ADAM12: variants seen among roughly 807,000 people sequenced by gnomAD.
ADAM12 encodes the protein disintegrin and metalloproteinase domain-containing protein 12.
Under a neutral mutation model 106.4 loss-of-function variants are expected in ADAM12, and 70 were observed. The observed-to-expected ratio is 0.66, with a 90% CI of 0.54 to 0.80. ADAM12 has a LOEUF of 0.80. ADAM12 is among the 30% of genes least tolerant of loss of function. The probability of loss-of-function intolerance (pLI) is 0.00; values close to 1 mark genes in which losing one functional copy is unlikely to be tolerated. For synonymous variants in ADAM12, 420 were observed against 433.5 expected (o/e 0.97, Z 0.39); for missense variants, 1,010 against 1,171.9 (o/e 0.86, Z 2.02).
intron 2 of ADAM12, among the ~76,000 whole-genome samples, chr10:126,286,241 T>A (rs1959853734): frequency 6.6e-6 from 1 of 152,088 alleles, no homozygotes; most frequent in African/African-American, 2.4e-5. Flanking sequence ...TCTGCCCTGA[T>A]TCTGAGGGTG....
At chr10:126,251,140 C>A (rs1231363881) in intron 3 of ADAM12, among the ~76,000 whole-genome samples, 1 of 152,232 alleles carries the variant, frequency 6.6e-6, no homozygotes, top group African/African-American at 2.4e-5. Flanking sequence ...GACACAAGGA[C>A]AGTCCTTGGC....
chr10:126,367,317 C>T (rs371771319), intron 1 of ADAM12, among the ~76,000 whole-genome samples: 197 of 151,532 alleles, frequency 1.3e-3, no homozygotes, highest in African/African-American at 4.5e-3. Flanking sequence ...AAATAAGCCA[C>T]GAGTCATAGA....
intron 6 of ADAM12, among the ~76,000 whole-genome samples, chr10:126,113,449 C>G (rs981504476): frequency 1.3e-5 from 2 of 151,070 alleles, no homozygotes; most frequent in Admixed American, 1.3e-4. Context: ...CCCTCGCGGT[C>G]AGGAGTTCAA....
At chr10:126,131,688 A>C (rs1391959762) in intron 5 of ADAM12, among the ~76,000 whole-genome samples, 1 of 152,202 alleles carries the variant, frequency 6.6e-6, no homozygotes, top group Non-Finnish European at 1.5e-5. Flanking sequence ...AGGCCTCAGG[A>C]GGAAAAATCA....
chr10:126,367,322 C>A (rs1855945992), intron 1 of ADAM12, among the ~76,000 whole-genome samples: 2 of 151,576 alleles, frequency 1.3e-5, no homozygotes, highest in Admixed American at 6.6e-5. Flanking sequence ...AGCCACGAGT[C>A]ATAGAAAAAA....
At chr10:126,042,266 T>C (rs1406958444) in intron 18 of ADAM12, 3 of 1,610,388 alleles carry the variant, frequency 1.9e-6, no homozygotes, top group East Asian at 2.2e-5. Context: ...TCATTTAGAC[T>C]TGCCCCTGAA....
intron 1 of ADAM12, among the ~76,000 whole-genome samples, chr10:126,361,863 G>A (rs1186586143): frequency 6.6e-6 from 1 of 152,104 alleles, no homozygotes; most frequent in African/African-American, 2.4e-5. Context: ...TCTACATGAT[G>A]TTGGTCTATA....
At chr10:126,296,526 C>A (rs1960386389) in intron 2 of ADAM12, among the ~76,000 whole-genome samples, 1 of 152,182 alleles carries the variant, frequency 6.6e-6, no homozygotes, top group African/African-American at 2.4e-5. Flanking sequence ...TTGTGAGGGA[C>A]ACACACCCCT....
At chr10:126,208,015 T>G (rs1250782322) in intron 3 of ADAM12, among the ~76,000 whole-genome samples, 1 of 152,258 alleles carries the variant, frequency 6.6e-6, no homozygotes, top group Non-Finnish European at 1.5e-5. Context: ...AAGTTATTAT[T>G]CACAGAATTA....
At chr10:126,206,655 TG>T (rs1432999914) in intron 3 of ADAM12, among the ~76,000 whole-genome samples, 6 of 152,214 alleles carry the variant, frequency 3.9e-5, no homozygotes, top group African/African-American at 7.2e-5. Flanking sequence ...ATTACATGGC[TG>T]GCAAGTACCA....
chr10:126,290,185 C>T (rs1035136484), intron 2 of ADAM12, among the ~76,000 whole-genome samples: 2 of 152,128 alleles, frequency 1.3e-5, no homozygotes, highest in South Asian at 2.1e-4. Context: ...CGCCCTCAAC[C>T]GCCAGCAAGA....
At chr10:126,241,945 C>T (rs1178107670) in intron 3 of ADAM12, among the ~76,000 whole-genome samples, 4 of 150,632 alleles carry the variant, frequency 2.7e-5, no homozygotes, top group African/African-American at 7.4e-5. Flanking sequence ...TAGTGGGGTA[C>T]ACTTTGTAAA....
chr10:126,050,915 A>G (rs1207390369), intron 14 of ADAM12, among the ~76,000 whole-genome samples: 1 of 151,980 alleles, frequency 6.6e-6, no homozygotes, highest in African/African-American at 2.4e-5. Flanking sequence ...CTCTTTTTTC[A>G]GGGGCATTAG....
intron 3 of ADAM12, among the ~76,000 whole-genome samples, chr10:126,233,667 G>C (rs986351339): frequency 1.8e-4 from 27 of 152,146 alleles, no homozygotes; most frequent in African/African-American, 5.6e-4. Flanking sequence ...CATCTCGTGG[G>C]AGCTTTCTGC....
At chr10:126,319,231 G>A (rs565543520) in intron 2 of ADAM12, among the ~76,000 whole-genome samples, 2 of 152,254 alleles carry the variant, frequency 1.3e-5, no homozygotes, top group South Asian at 2.1e-4. Context: ...GGGGTGCAGC[G>A]TAACTCCCCA....
At chr10:126,136,679 A>G (rs1346171877) in intron 4 of ADAM12, among the ~76,000 whole-genome samples, 1 of 152,174 alleles carries the variant, frequency 6.6e-6, no homozygotes, top group Admixed American at 6.5e-5. Context: ...ACCAGATGCA[A>G]TTGAGTCATG....
At chr10:126,051,885 A>G (rs1307078238) in intron 14 of ADAM12, among the ~76,000 whole-genome samples, 1 of 152,226 alleles carries the variant, frequency 6.6e-6, no homozygotes, top group African/African-American at 2.4e-5. Flanking sequence ...AGGTAGAAAC[A>G]GAGTAGGAGG....
intron 1 of ADAM12, among the ~76,000 whole-genome samples, chr10:126,337,804 A>T (rs1564741718): frequency 6.6e-6 from 1 of 152,206 alleles, no homozygotes; most frequent in Non-Finnish European, 1.5e-5. Flanking sequence ...ATACACCAAA[A>T]TGCTCTTGCT....
At chr10:126,303,806 T>C (rs1235638191) in intron 2 of ADAM12, among the ~76,000 whole-genome samples, 1 of 152,278 alleles carries the variant, frequency 6.6e-6, no homozygotes, top group East Asian at 1.9e-4. Context: ...GTCCTAATTG[T>C]GAGAACACCA....
Sources: allele counts gnomAD v4.1 joint callset (sites outside exome capture counted in the v4.1 genomes callset), GRCh38; gene constraint gnomAD v4.1.1; transcripts MANE v1.5; gene names NCBI Gene and HGNC (gene_info 2026-07-23, HGNC 2026-07-21).